Variants in BRF1 observed in about 807,000 individuals in gnomAD.
BRF1 encodes the protein BRF1 general transcription factor IIIB subunit.
A neutral mutation model predicts 81.7 loss-of-function variants in BRF1; 59 were observed. That is an observed-to-expected ratio of 0.72 (90% confidence interval 0.59 to 0.90). The LOEUF (loss-of-function observed/expected upper bound fraction) is 0.90. Ranked by LOEUF, BRF1 falls within the 40% of genes least tolerant of loss-of-function variation. The pLI is 0.00. For missense variants in BRF1, 1,050 were observed against 936.3 expected, an observed-to-expected ratio of 1.12 and a Z score of -1.58; for synonymous variants, 491 against 395.6, an observed-to-expected ratio of 1.24 and a Z score of -2.86.
intron 1 of BRF1, among the ~76,000 whole-genome samples, chr14:105,294,989 G>A (rs1259373560): frequency 6.6e-6 from 1 of 152,160 alleles, no homozygotes; most frequent in Non-Finnish European, 1.5e-5. Flanking sequence ...GGCTACGCTG[G>A]TGAATTCTAC....
chr14:105,244,948 A>G lies in BRF1; in HGVS notation c.545-3534T>C, dbSNP rs763660228. Among the ~76,000 whole-genome samples, 16 of 143,148 alleles carry G rather than the reference A, an allele frequency of 1.1e-4. 1 individual carries two copies. The highest frequency in any genetic ancestry group is 7.1e-4 in the Admixed American group (10 of 14,152). 93.9% of individuals were successfully genotyped at this position (143,148 alleles called of 152,430 possible). ...GGACATGCCATTTGACCCCAAGTGC[A>G]AAAAAAAAAAAACTAAAAATGAGCA... is the stretch of plus-strand genomic sequence containing the variant. On this transcript the variant is annotated intron_variant, in intron 5 of 17. Transcript: ENST00000547530.
At chr14:105,226,925 AC>A in intron 7 of BRF1, 165 bp from the exon 8 acceptor site, 1 of 899,290 alleles carries the variant, frequency 1.1e-6, no homozygotes, top group Non-Finnish European at 1.7e-6. Flanking sequence ...CCTAGGCAAC[AC>A]AGTGAGACTC....
chr14:105,228,943 C>T (rs369512081), intron 6 of BRF1, 30 bp from the exon 7 acceptor site: 6 of 1,607,498 alleles, frequency 3.7e-6, no homozygotes, highest in African/African-American at 2.7e-5. Flanking sequence ...GCCTCGTCAA[C>T]CACGGCTGGG....
At chr14:105,256,130 T>TA in intron 4 of BRF1, 1 of 1,361,526 alleles carries the variant, frequency 7.3e-7, no homozygotes, top group Non-Finnish European at 9.7e-7. Flanking sequence ...ATCTCATAAA[T>TA]AAATAAATAA....
chr14:105,241,751 G>C (rs903753155), intron 5 of BRF1: 1 of 348,614 alleles, frequency 2.9e-6, no homozygotes, highest in Non-Finnish European at 5.5e-6. Context: ...AGCACCACAC[G>C]CAACAACGGT....
chr14:105,300,038 G>C (rs1025525689), intron 1 of BRF1, among the ~76,000 whole-genome samples: 19 of 152,244 alleles, frequency 1.2e-4, no homozygotes, highest in Non-Finnish European at 2.2e-4. Context: ...AGCAGCCTGA[G>C]TGGCCCTAGG....
At chr14:105,303,592 T>C (rs2058096617), upstream of BRF1, among the ~76,000 whole-genome samples, 1 of 152,192 alleles carries the variant, frequency 6.6e-6, no homozygotes, top group Non-Finnish European at 1.5e-5. Context: ...TTAAGATCTC[T>C]TTTCCTTTAT....
chr14:105,301,823 A>T (rs1285174244), upstream of BRF1, among the ~76,000 whole-genome samples: 1 of 152,226 alleles, frequency 6.6e-6, no homozygotes, highest in Non-Finnish European at 1.5e-5. Context: ...GGCCGGTGAC[A>T]TACCCAGGAA....
At position 105,282,560 on chromosome 14, in the gene BRF1, A is replaced by G. The variant is rs1206295994; in HGVS notation, c.265+3736T>C. 2.0e-5 allele frequency among the ~76,000 whole-genome samples: 3 copies of G among 152,308 alleles called. No individual in the cohort carries two copies. The East Asian group carries it at 5.8e-4, about 29-fold the overall frequency. Reference sequence around the variant, plus strand: ...ACTTCAACCAAGGCGGTATGGGGAGAACAAAGGAGAATAAACAAAATTTAA... The same window carrying G: ...ACTTCAACCAAGGCGGTATGGGGAGGACAAAGGAGAATAAACAAAATTTAA... On this transcript the variant is annotated intron_variant, in intron 2 of 17. Transcript: ENST00000547530.
rs926426630 is a variant in BRF1 at position 105,218,877 on chromosome 14, C to T, written c.1515+121G>A. On this transcript the variant is annotated intron_variant, in intron 14 of 17. Coordinates refer to ENST00000547530, the MANE Select transcript of BRF1 (RefSeq NM_001519.4). Reference sequence around the variant, plus strand: ...TCTGGGGTCCAGAGCACATGGCCTCCGGCTGCCTGCCCTGGGGCCTAGACC... The same window carrying T: ...TCTGGGGTCCAGAGCACATGGCCTCTGGCTGCCTGCCCTGGGGCCTAGACC... 42 of 1,418,820 alleles carry T rather than the reference C, an allele frequency of 3.0e-5. No homozygotes were observed. In the Admixed American group the frequency reaches 5.3e-4, roughly 18 times the overall value. 87.9% of individuals were successfully genotyped at this position (1,418,820 alleles called of 1,614,324 possible).
Position 105,248,612 on chromosome 14 carries a change from C to T in BRF1, c.544+3895G>A, listed in dbSNP as rs892436831. The T allele has an allele frequency of 1.5e-5, 15 of 974,924 alleles. No homozygotes were observed. The African/African-American group carries it at 2.5e-4, about 16-fold the overall frequency. 60.4% of individuals were successfully genotyped at this position (974,924 alleles called of 1,614,324 possible). A position where few individuals can be genotyped will look rare whatever the true frequency, so the allele number is the denominator to read the frequency against. On this transcript the variant is annotated intron_variant, in intron 5 of 17. Coordinates refer to ENST00000547530, the MANE Select transcript of BRF1 (RefSeq NM_001519.4). ...GGGACGGCGCCCCCCGCGGCCGGGCCTGGCCGGGCTGCGCTAGGCTGGGCT... is the reference window on the plus strand; with the variant it reads ...GGGACGGCGCCCCCCGCGGCCGGGCTTGGCCGGGCTGCGCTAGGCTGGGCT...
intron 15 of BRF1, 145 bp from the exon 16 acceptor site, chr14:105,212,309 G>C: frequency 4.7e-6 from 5 of 1,067,518 alleles, no homozygotes; most frequent in Non-Finnish European, 6.7e-6. Context: ...TCCAGGTTCT[G>C]TGTGCTCCAT....
At chr14:105,241,563 T>C (rs1348226797) in intron 5 of BRF1, 149 bp from the exon 6 acceptor site, 2 of 1,029,702 alleles carry the variant, frequency 1.9e-6, no homozygotes, top group Middle Eastern at 3.1e-4. Flanking sequence ...ACAAAGCCTC[T>C]CTGACCCTCA....
chr14:105,218,925 C>T (rs755014223), intron 14 of BRF1, 73 bp downstream of exon 14: 6 of 1,598,984 alleles, frequency 3.8e-6, no homozygotes, highest in Middle Eastern at 3.7e-4. Flanking sequence ...GGGGAAGGGA[C>T]ATTCCAGAGA....
intron 3 of BRF1, among the ~76,000 whole-genome samples, chr14:105,258,496 A>AGAACTCTATTTAAATAAG (rs2055994688): frequency 1.4e-5 from 2 of 148,022 alleles, no homozygotes; most frequent in African/African-American, 5.0e-5. Context: ...CTCAAAAAAA[A>AGAACTCTATTTAAATAAG]AAAAAGAAAT....
chr14:105,261,508 G>A (rs1035816702), intron 3 of BRF1, among the ~76,000 whole-genome samples: 1 of 152,224 alleles, frequency 6.6e-6, no homozygotes, highest in Non-Finnish European at 1.5e-5. Flanking sequence ...CTGGCTGGCT[G>A]CACGATGCTT....
At chr14:105,242,360 A>G (rs587633289) in intron 5 of BRF1, 6 of 152,316 alleles carry the variant, frequency 3.9e-5, no homozygotes, top group Admixed American at 1.3e-4. Context: ...AAAAAATTAG[A>G]TAATTTAAAA....
chr14:105,218,495 GC>G (rs1891700179), intron 14 of BRF1, among the ~76,000 whole-genome samples: 1 of 152,142 alleles, frequency 6.6e-6, no homozygotes, highest in South Asian at 2.1e-4. Flanking sequence ...CCCCAGTCTC[GC>G]AGGCAGGGAA....
upstream of BRF1, among the ~76,000 whole-genome samples, chr14:105,303,424 T>C (rs1325788528): frequency 1.3e-5 from 2 of 151,522 alleles, no homozygotes; most frequent in Non-Finnish European, 2.9e-5. Flanking sequence ...TTTGTATTTT[T>C]AGTAGAGACA....
Sources: allele counts gnomAD v4.1 joint callset (sites outside exome capture counted in the v4.1 genomes callset), GRCh38; gene constraint gnomAD v4.1.1; transcripts MANE v1.5; gene names NCBI Gene and HGNC (gene_info 2026-07-23, HGNC 2026-07-21).